VWF: variants seen among roughly 807,000 people sequenced by gnomAD.
The protein encoded by VWF is Factor VIII related antigen.
In VWF, 176 loss-of-function variants were observed where a neutral mutation model predicts 308.6. That is an observed-to-expected ratio of 0.57 (90% confidence interval 0.50 to 0.65). VWF has a LOEUF of 0.65. Ranked by LOEUF, VWF falls within the 30% of genes least tolerant of loss-of-function variation. The pLI is 0.00. For synonymous variants in VWF, 1,385 were observed against 1,443.4 expected (o/e 0.96, Z 0.92); for missense variants, 3,146 against 3,648.2 (o/e 0.86, Z 3.55).
intron 41 of VWF, among the ~76,000 whole-genome samples, chr12:5,982,416 T>A (rs1218848849): frequency 6.6e-6 from 1 of 152,108 alleles, no homozygotes; most frequent in Admixed American, 6.5e-5. Context: ...CCTAGAACAA[T>A]ACCCTACACT....
chr12:6,066,990 A>G (rs1782598917), intron 10 of VWF, among the ~76,000 whole-genome samples: 1 of 152,224 alleles, frequency 6.6e-6, no homozygotes, highest in African/African-American at 2.4e-5. Flanking sequence ...AGCATGGGTC[A>G]GGAGGGCACA....
chr12:5,971,739 C>T (rs1943479050), intron 43 of VWF, 30 bp from the exon 44 acceptor site: 2 of 1,594,918 alleles, frequency 1.3e-6, no homozygotes, highest in Non-Finnish European at 1.7e-6. Flanking sequence ...AGAGTAAGGA[C>T]AGGCCAGCAG....
Position 5,994,729 on chromosome 12 carries a change from T to C in VWF, c.6064-122A>G, listed in dbSNP as rs561505735. On this transcript the variant is annotated intron_variant, in intron 35 of 51. Transcript: ENST00000261405. The stretch of plus-strand genomic sequence containing the variant: ...CAACTGCAACATCAGCCACAAACCT[T>C]GATATTTGTCGGCAGCTCTTCTAAG... 2.5e-5 allele frequency: 21 copies of C among 856,568 alleles called. No homozygotes were observed. In the Admixed American group the frequency reaches 3.2e-4, roughly 13 times the overall value. The allele number at this position is 856,568 out of a possible 1,614,324, so 53.1% of individuals were successfully genotyped here.
chr12:6,041,550 G>A (rs760532865), intron 18 of VWF, among the ~76,000 whole-genome samples: 6 of 151,932 alleles, frequency 3.9e-5, no homozygotes, highest in East Asian at 2.0e-4. Context: ...CTGGGTTCAC[G>A]GCATTCTCCT....
At chr12:6,087,353 TC>T (rs1294206237) in intron 6 of VWF, among the ~76,000 whole-genome samples, 11 of 136,400 alleles carry the variant, frequency 8.1e-5, no homozygotes, top group African/African-American at 2.4e-4. Context: ...AAGACTTAAC[TC>T]TTTTTTTTTT....
At position 6,056,933 on chromosome 12, in the gene VWF, G is replaced by T; in HGVS notation, c.1869C>A (p.Cys623Ter). 6.5e-7 allele frequency: 1 copy of T among 1,535,236 alleles called. No homozygotes were observed. Residue 623 changes from cysteine (C) to a stop codon, truncating the protein, a stop_gained, in exon 15 of 52, where the codon TGC becomes TGA. Coordinates refer to ENST00000261405, the MANE Select transcript of VWF (RefSeq NM_000552.5). LOFTEE classifies it high-confidence loss of function. ...CCGCGGCATAGCTGGCCAGGGCGCCGCACAGGCACTCGCGGCCGTCCGAGC... is the reference window on the plus strand; with the variant it reads ...CCGCGGCATAGCTGGCCAGGGCGCCTCACAGGCACTCGCGGCCGTCCGAGC... The part of the protein sequence containing the change: ...CSCSDGRECL[C>*]GALASYAAAC...
At chr12:6,078,776 CCT>C (rs1944873200) in intron 6 of VWF, among the ~76,000 whole-genome samples, 1 of 152,138 alleles carries the variant, frequency 6.6e-6, no homozygotes, top group African/African-American at 2.4e-5. Flanking sequence ...GGCACCCTCC[CCT>C]CTCAGAGCCG....
At chr12:6,086,318 G>A (rs2136487087) in intron 6 of VWF, among the ~76,000 whole-genome samples, 1 of 152,190 alleles carries the variant, frequency 6.6e-6, no homozygotes, top group South Asian at 2.1e-4. Flanking sequence ...ATCAAAACGG[G>A]GAAAGACACG....
rs1459171403 is a variant in VWF, at chr12:6,063,732, T to C, written c.1432+514A>G. 2.0e-5 allele frequency among the ~76,000 whole-genome samples: 3 copies of C among 152,096 alleles called. No individual in the cohort carries two copies. The highest frequency in any genetic ancestry group is 1.3e-4 in the Admixed American group (2 of 15,274). ...GGGAGCTTTACCATGCAAAAGCAGG[T>C]TTGCTTTGACCGGCACAGTGCAACC... On this transcript the variant is annotated intron_variant, in intron 12 of 51. Coordinates refer to ENST00000261405, the MANE Select transcript of VWF (RefSeq NM_000552.5). This position sits in a 1 kb window ranked among gnomAD's most constrained non-coding sequence, Gnocchi z 4.9.
intron 5 of VWF, among the ~76,000 whole-genome samples, chr12:6,100,048 A>G (rs1219556683): frequency 6.6e-6 from 1 of 152,074 alleles, no homozygotes; most frequent in Non-Finnish European, 1.5e-5. Flanking sequence ...ATTTACAAGA[A>G]AAAAACAAAC....
At chr12:6,059,518 A>G (rs1175193934) in intron 13 of VWF, among the ~76,000 whole-genome samples, 1 of 152,218 alleles carries the variant, frequency 6.6e-6, no homozygotes, top group Admixed American at 6.5e-5. Context: ...GAATCTGGGA[A>G]GTCCAAGATG....
At chr12:6,107,285 G>A (rs1182646555) in intron 5 of VWF, among the ~76,000 whole-genome samples, 1 of 152,248 alleles carries the variant, frequency 6.6e-6, no homozygotes, top group Admixed American at 6.5e-5. Context: ...TGACTACAAA[G>A]GAGCATGGTG....
At position 6,044,373 on chromosome 12, in the gene VWF, T is replaced by C. The variant is rs1944424456; in HGVS notation, c.2360A>G (p.Glu787Gly). The change falls in exon 18 of 52, where the codon GAG becomes GGG. Residue 787 changes from glutamate to glycine, a missense_variant. Transcript: ENST00000261405. ...PADNLRAEGL[E>G]CTKTCQNYDL... is the part of the protein sequence containing the mutation. ...ATAGTTCTGGCACGTTTTGGTACAC[T>C]CGAGCCCTTCAGCCCGCAGGTTGTC... 1 of 1,614,120 alleles carries C rather than the reference T, an allele frequency of 6.2e-7. No homozygotes were observed. The highest frequency in any genetic ancestry group is 1.3e-5 in the African/African-American group (1 of 75,026).
At chr12:5,996,244 A>G in intron 34 of VWF, 22 bp from the exon 35 acceptor site, 1 of 1,597,656 alleles carries the variant, frequency 6.3e-7, no homozygotes, top group Non-Finnish European at 8.5e-7. Flanking sequence ...GAAGCAGAGG[A>G]TGGATGCGAC....
intron 34 of VWF, among the ~76,000 whole-genome samples, chr12:5,998,661 G>GA (rs1168443437): frequency 6.6e-6 from 1 of 150,934 alleles, no homozygotes; most frequent in Non-Finnish European, 1.5e-5. Context: ...AAATTACTAT[G>GA]AAAAAAGCAT....
At chr12:5,989,566 A>G (rs1943714905) in intron 38 of VWF, among the ~76,000 whole-genome samples, 1 of 152,242 alleles carries the variant, frequency 6.6e-6, no homozygotes, top group South Asian at 2.1e-4. Flanking sequence ...TGATTTTAAA[A>G]TATATTTATA....
intron 18 of VWF, among the ~76,000 whole-genome samples, chr12:6,041,450 AAG>A (rs1944395018): frequency 6.6e-6 from 1 of 151,754 alleles, no homozygotes; most frequent in Non-Finnish European, 1.5e-5. Flanking sequence ...TTAAAAAAAA[AAG>A]AAATTTTTTT....
chr12:6,009,743 A>G (rs1943970353), intron 34 of VWF, among the ~76,000 whole-genome samples: 2 of 152,200 alleles, frequency 1.3e-5, no homozygotes, highest in South Asian at 4.1e-4. Flanking sequence ...ACATCAGTGG[A>G]CAAATGGATA....
intron 46 of VWF, 115 bp downstream of exon 46, chr12:5,968,012 T>A: frequency 7.0e-7 from 1 of 1,434,900 alleles, no homozygotes; most frequent in Non-Finnish European, 9.6e-7. Flanking sequence ...AAGCTGGGGT[T>A]GGGTCTCTCT....
Sources: allele counts gnomAD v4.1 joint callset (sites outside exome capture counted in the v4.1 genomes callset), GRCh38; gene constraint gnomAD v4.1.1; non-coding constraint Gnocchi (gnomAD v3.1); transcripts MANE v1.5; gene names NCBI Gene and HGNC (gene_info 2026-07-23, HGNC 2026-07-21).